The following CYSLTR2 variants were observed in gnomAD, a reference collection of about 807,000 sequenced individuals.
CYSLTR2 encodes the protein cysteinyl leukotriene receptor 2, also known as G-protein coupled receptor GPCR21.
For synonymous variants in CYSLTR2, 179 were observed against 160.8 expected (o/e 1.11, Z -0.86); for missense variants, 398 against 411.9 (o/e 0.97, Z 0.29).
intron 1 of CYSLTR2, among the ~76,000 whole-genome samples, chr13:48,680,986 G>T (rs1440724334): frequency 2.6e-5 from 4 of 151,632 alleles, no homozygotes; most frequent in Non-Finnish European, 4.4e-5. Flanking sequence ...AGCTATATGA[G>T]GTTTCTAGGA....
chr13:48,701,188 C>T (rs1289827652), intron 4 of CYSLTR2, among the ~76,000 whole-genome samples: 1 of 152,130 alleles, frequency 6.6e-6, no homozygotes, highest in East Asian at 1.9e-4. Flanking sequence ...AATCCTAAGC[C>T]GAAAGAACAA....
intron 1 of CYSLTR2, among the ~76,000 whole-genome samples, chr13:48,659,692 C>A (rs963117995): frequency 1.3e-5 from 2 of 152,110 alleles, no homozygotes; most frequent in African/African-American, 4.8e-5. Context: ...ATAAACAGGA[C>A]AATGTTTCTA....
At chr13:48,685,160 C>T (rs376570777) in intron 1 of CYSLTR2, among the ~76,000 whole-genome samples, 12 of 152,044 alleles carry the variant, frequency 7.9e-5, no homozygotes, top group African/African-American at 2.9e-4. Context: ...GGGGAGGCCT[C>T]GGGGAGCTTT....
intron 1 of CYSLTR2, among the ~76,000 whole-genome samples, chr13:48,685,796 A>G (rs1953881351): frequency 6.6e-6 from 1 of 152,172 alleles, no homozygotes; most frequent in African/African-American, 2.4e-5. Context: ...CCCAAGTCTG[A>G]TTATGCAGAA....
chr13:48,683,107 AT>A (rs1249825920), intron 1 of CYSLTR2, among the ~76,000 whole-genome samples: 1 of 151,962 alleles, frequency 6.6e-6, no homozygotes, highest in Non-Finnish European at 1.5e-5. Flanking sequence ...TATGTACCAT[AT>A]TTTCTTTATC....
rs2139025201 is a variant in CYSLTR2, at chr13:48,710,601, T to G, written c.*2743T>G. The stretch of plus-strand genomic sequence containing the variant: ...AAAACACATGCTGAAGTTGCTAAGA[T>G]CTACAGTAAGAACAAATCCATCTGT... On this transcript the variant is annotated 3_prime_UTR_variant, in exon 5 of 5. Coordinates refer to ENST00000682523, the MANE Select transcript of CYSLTR2 (RefSeq NM_001308476.3). 1 of 152,302 alleles carries G rather than the reference T, an allele frequency of 6.6e-6. No homozygotes were observed. Among genetic ancestry groups the G allele is most frequent in the South Asian group, 2.1e-4 (1 of 4,828 alleles). 9.4% of individuals were successfully genotyped at this position (152,302 alleles called of 1,614,324 possible). A position where few individuals can be genotyped will look rare whatever the true frequency, so the allele number is the denominator to read the frequency against.
chr13:48,706,740 G>C, intron 4 of CYSLTR2, 77 bp from the exon 5 acceptor site: 1 of 1,159,512 alleles, frequency 8.6e-7, no homozygotes, highest in Non-Finnish European at 1.2e-6. Flanking sequence ...AAAACCTAGA[G>C]AGATGTAATC....
intron 1 of CYSLTR2, among the ~76,000 whole-genome samples, chr13:48,656,328 C>T (rs1473392777): frequency 6.6e-6 from 1 of 152,194 alleles, no homozygotes; most frequent in Admixed American, 6.5e-5. Flanking sequence ...ATTATTGTCA[C>T]AAATCTTATT....
chr13:48,664,400 T>G (rs1039116146), intron 1 of CYSLTR2, among the ~76,000 whole-genome samples: 30 of 152,092 alleles, frequency 2.0e-4, no homozygotes, highest in Non-Finnish European at 2.9e-4. Flanking sequence ...TAGTTTTAGA[T>G]GAACCGATAT....
At chr13:48,697,188 T>A (rs1019329058) in intron 4 of CYSLTR2, among the ~76,000 whole-genome samples, 1 of 152,120 alleles carries the variant, frequency 6.6e-6, no homozygotes, top group Non-Finnish European at 1.5e-5. Context: ...GAGTTTGAGA[T>A]CTGAGAATGG....
intron 1 of CYSLTR2, among the ~76,000 whole-genome samples, chr13:48,690,139 A>G (rs1474920474): frequency 1.3e-5 from 2 of 151,934 alleles, no homozygotes; most frequent in Admixed American, 6.6e-5. Flanking sequence ...TGCTTTGCTG[A>G]AGGAGTTTTT....
chr13:48,671,032 T>C (rs563254234), intron 1 of CYSLTR2, among the ~76,000 whole-genome samples: 2 of 152,182 alleles, frequency 1.3e-5, no homozygotes, highest in Non-Finnish European at 2.9e-5. Context: ...CTTATTCTCT[T>C]TGTAGCAATT....
intron 3 of CYSLTR2, among the ~76,000 whole-genome samples, chr13:48,694,002 C>T (rs1395461940): frequency 6.6e-6 from 1 of 152,124 alleles, no homozygotes; most frequent in Non-Finnish European, 1.5e-5. Context: ...TGTTACATTG[C>T]AGAAATCTCA....
chr13:48,683,099 T>A (rs772471497), intron 1 of CYSLTR2, among the ~76,000 whole-genome samples: 17 of 152,242 alleles, frequency 1.1e-4, no homozygotes, highest in Non-Finnish European at 2.1e-4. Flanking sequence ...ATGGTGTATA[T>A]GTACCATATT....
At chr13:48,699,087 C>A (rs140207843) in intron 4 of CYSLTR2, among the ~76,000 whole-genome samples, 220 of 152,208 alleles carry the variant, frequency 1.4e-3, no homozygotes, top group African/African-American at 4.9e-3. Flanking sequence ...ACTTTAACAC[C>A]CCACTGTCAA....
At position 48,708,181 on chromosome 13, in the gene CYSLTR2, A is replaced by C. The variant is rs1954554859; in HGVS notation, c.*323A>C. On this transcript the variant is annotated 3_prime_UTR_variant, in exon 5 of 5. Coordinates refer to ENST00000682523, the MANE Select transcript of CYSLTR2 (RefSeq NM_001308476.3). ...AGATCTCTGGCCCATCAGGCTTTCT[A>C]AATTCTTCAAAAGAGCCACAACTTC... The C allele has an allele frequency of 4.9e-6, 1 of 204,830 alleles. No individual in the cohort carries two copies. The highest frequency in any genetic ancestry group is 1.6e-4 in the South Asian group (1 of 6,098). 12.7% of individuals were successfully genotyped at this position (204,830 alleles called of 1,614,324 possible). A position where few individuals can be genotyped will look rare whatever the true frequency, so the allele number is the denominator to read the frequency against.
chr13:48,664,234 G>C (rs1292817428), intron 1 of CYSLTR2, among the ~76,000 whole-genome samples: 1 of 151,878 alleles, frequency 6.6e-6, no homozygotes, highest in Non-Finnish European at 1.5e-5. Flanking sequence ...CTAGTATTTT[G>C]TTTGGCATTT....
At chr13:48,688,384 T>C (rs1593991409) in intron 1 of CYSLTR2, among the ~76,000 whole-genome samples, 1 of 152,144 alleles carries the variant, frequency 6.6e-6, no homozygotes, top group East Asian at 1.9e-4. Context: ...ATTAGGTATT[T>C]CTCCTAAGGC....
At chr13:48,705,501 T>C (rs1393670259) in intron 4 of CYSLTR2, among the ~76,000 whole-genome samples, 4 of 151,538 alleles carry the variant, frequency 2.6e-5, no homozygotes, top group Non-Finnish European at 5.9e-5. Flanking sequence ...GTTGGTTATC[T>C]GAACACTTTT....
Sources: allele counts gnomAD v4.1 joint callset (sites outside exome capture counted in the v4.1 genomes callset), GRCh38; gene constraint gnomAD v4.1.1; transcripts MANE v1.5; gene names NCBI Gene and HGNC (gene_info 2026-07-23, HGNC 2026-07-21).